DPYD: variants seen among roughly 807,000 people sequenced by gnomAD.
DPYD encodes the protein dihydropyrimidine dehydrogenase [NADP(+)].
Under a neutral mutation model 116.2 loss-of-function variants are expected in DPYD, and 109 were observed. The observed-to-expected ratio is 0.94, with a 90% CI of 0.80 to 1.10. The LOEUF (loss-of-function observed/expected upper bound fraction) is 1.10, where lower values mean the gene tolerates loss of function less well. DPYD is among the 50% of genes least tolerant of loss of function. The pLI, the probability that DPYD is intolerant of heterozygous loss-of-function variation, is 0.00. For missense variants in DPYD, 1,302 were observed against 1,254.5 expected (o/e 1.04, Z -0.57); for synonymous variants, 440 against 432.0 (o/e 1.02, Z -0.23).
chr1:97,183,016 G>A (rs982191421), intron 20 of DPYD, among the ~76,000 whole-genome samples: 5 of 152,048 alleles, frequency 3.3e-5, no homozygotes, highest in Admixed American at 6.6e-5. Flanking sequence ...ATCTTTTGAT[G>A]AGTATGTTAA....
intron 20 of DPYD, among the ~76,000 whole-genome samples, chr1:97,164,868 C>CTT (rs58517548): frequency 6.9e-4 from 99 of 144,074 alleles, no homozygotes; most frequent in East Asian, 2.0e-3. Context: ...CGTACAGATT[C>CTT]TTTTTTTTTT....
At position 97,137,077 on chromosome 1, in the gene DPYD, A is replaced by T. The variant is rs368907339; in HGVS notation, c.2623-38445T>A. Reference sequence around the variant, plus strand: ...TAGCAAATGCCAAGTAAATAGTTCAATCTGAACCAGGTTTATTGTTCATCG... The same window carrying T: ...TAGCAAATGCCAAGTAAATAGTTCATTCTGAACCAGGTTTATTGTTCATCG... On this transcript the variant is annotated intron_variant, in intron 20 of 22. Coordinates refer to ENST00000370192, the MANE Select transcript of DPYD (RefSeq NM_000110.4). Among the ~76,000 whole-genome samples, 37 of 152,320 alleles carry T rather than the reference A, an allele frequency of 2.4e-4. No homozygotes were observed. The South Asian group carries it at 7.5e-3, about 31-fold the overall frequency.
At chr1:97,443,787 C>T (rs746347559) in intron 14 of DPYD, among the ~76,000 whole-genome samples, 1 of 152,206 alleles carries the variant, frequency 6.6e-6, no homozygotes, top group Non-Finnish European at 1.5e-5. Flanking sequence ...AAAAATCCCC[C>T]TATTTCTAAT....
intron 3 of DPYD, among the ~76,000 whole-genome samples, chr1:97,792,539 C>T (rs767008404): frequency 5.3e-5 from 8 of 152,060 alleles, no homozygotes; most frequent in East Asian, 1.9e-4. Flanking sequence ...CGTGAGCCAC[C>T]GCGCCTGGCC....
At chr1:97,536,516 T>C (rs1650010239) in intron 12 of DPYD, among the ~76,000 whole-genome samples, 1 of 152,244 alleles carries the variant, frequency 6.6e-6, no homozygotes, top group Non-Finnish European at 1.5e-5. Context: ...GTTGATAAGA[T>C]TGTTTTTATC....
chr1:97,424,565 T>C (rs1471410710), intron 14 of DPYD, among the ~76,000 whole-genome samples: 1 of 152,106 alleles, frequency 6.6e-6, no homozygotes, highest in Non-Finnish European at 1.5e-5. Flanking sequence ...AGTTGCTATG[T>C]GTCTTTATCA....
chr1:97,187,825 G>C (rs780379176), intron 20 of DPYD, among the ~76,000 whole-genome samples: 3 of 152,066 alleles, frequency 2.0e-5, no homozygotes, highest in Non-Finnish European at 2.9e-5. Flanking sequence ...TATTGAAAAA[G>C]GTGTCCTTGT....
chr1:97,199,418 C>T (rs1432531608), intron 19 of DPYD, among the ~76,000 whole-genome samples: 2 of 152,000 alleles, frequency 1.3e-5, no homozygotes, highest in Non-Finnish European at 2.9e-5. Flanking sequence ...AGATTAAATA[C>T]TTAGCACATA....
chr1:97,618,885 G>A (rs1452846282), intron 8 of DPYD, among the ~76,000 whole-genome samples: 3 of 152,228 alleles, frequency 2.0e-5, no homozygotes, highest in South Asian at 2.1e-4. Context: ...ACATAAAATC[G>A]AAGGCAGTGT....
chr1:97,220,924 C>G (rs1660731903), intron 19 of DPYD, among the ~76,000 whole-genome samples: 1 of 152,104 alleles, frequency 6.6e-6, no homozygotes, highest in Non-Finnish European at 1.5e-5. Flanking sequence ...CAAGTTTACT[C>G]CAAATTTCAT....
chr1:97,456,922 A>G (rs1676722400), intron 13 of DPYD, among the ~76,000 whole-genome samples: 1 of 152,068 alleles, frequency 6.6e-6, no homozygotes, highest in African/African-American at 2.4e-5. Flanking sequence ...CAAGATCAAA[A>G]TTCTAAGAAT....
At chr1:97,566,590 T>C (rs2786540) in intron 11 of DPYD, among the ~76,000 whole-genome samples, 1,724 of 152,284 alleles carry the variant, frequency 0.011, 26 homozygotes, top group African/African-American at 0.039. Flanking sequence ...TATTCTTTAA[T>C]CTGTTCTTTG....
chr1:97,360,086 C>T (rs1670638476), intron 16 of DPYD, among the ~76,000 whole-genome samples: 1 of 151,712 alleles, frequency 6.6e-6, no homozygotes. Context: ...CACACATAGG[C>T]TCAAAATAAA....
At chr1:97,521,795 A>G (rs1648687571) in intron 12 of DPYD, among the ~76,000 whole-genome samples, 1 of 152,220 alleles carries the variant, frequency 6.6e-6, no homozygotes, top group Non-Finnish European at 1.5e-5. Flanking sequence ...CCTGACAAAA[A>G]CAAGAAATGG....
chr1:97,804,815 A>T (rs1668006940), intron 3 of DPYD, among the ~76,000 whole-genome samples: 1 of 151,910 alleles, frequency 6.6e-6, no homozygotes, highest in African/African-American at 2.4e-5. Context: ...TGAGCATTGA[A>T]CTGAGTTGAC....
chr1:97,270,709 A>C (rs1664523874), intron 18 of DPYD, among the ~76,000 whole-genome samples: 1 of 152,184 alleles, frequency 6.6e-6, no homozygotes, highest in South Asian at 2.1e-4. Context: ...GACAAAGATA[A>C]ACTTTGTCTG....
chr1:97,512,719 T>G (rs1452015587), intron 13 of DPYD, among the ~76,000 whole-genome samples: 1 of 151,878 alleles, frequency 6.6e-6, no homozygotes, highest in African/African-American at 2.4e-5. Flanking sequence ...CATGATAATT[T>G]AGCTTTAATC....
intron 8 of DPYD, among the ~76,000 whole-genome samples, chr1:97,651,895 A>C (rs527953046): frequency 1.3e-5 from 2 of 152,274 alleles, no homozygotes; most frequent in East Asian, 3.9e-4. Flanking sequence ...TATATTTTTT[A>C]ATTTAGCTTA....
At chr1:97,642,473 C>A (rs1166126285) in intron 8 of DPYD, among the ~76,000 whole-genome samples, 4 of 151,804 alleles carry the variant, frequency 2.6e-5, no homozygotes, top group Non-Finnish European at 5.9e-5. Flanking sequence ...ACAAACCTGA[C>A]AAAAACAAGA....
Sources: allele counts gnomAD v4.1 joint callset (sites outside exome capture counted in the v4.1 genomes callset), GRCh38; gene constraint gnomAD v4.1.1; transcripts MANE v1.5; gene names NCBI Gene and HGNC (gene_info 2026-07-23, HGNC 2026-07-21).